NEB: variants seen among roughly 807,000 people sequenced by gnomAD.
NEB encodes nemaline myopathy type 2.
A neutral mutation model predicts 952.2 loss-of-function variants in NEB; 512 were observed. The ratio of observed to expected loss-of-function variants is 0.54; its 90% CI spans 0.50 to 0.58. The LOEUF (loss-of-function observed/expected upper bound fraction) is 0.58. NEB is among the 20% of genes least tolerant of loss of function. NEB has a pLI of 0.00. For missense variants in NEB, 8,428 were observed against 9,231.1 expected (o/e 0.91, Z 3.56); for synonymous variants, 2,900 against 3,149.8 (o/e 0.92, Z 2.66).
At position 151,568,634 on chromosome 2, in the gene NEB, C is replaced by A; in HGVS notation, c.17618G>T (p.Gly5873Val). Residue 5873 changes from glycine to valine, a missense_variant, in exon 111 of 182, where the codon GGC becomes GTC. By Grantham distance (109) the Gly-to-Val change is moderately radical. Coordinates refer to ENST00000397345, the MANE Select transcript of NEB (RefSeq NM_001164508.2). ...TATACTTACATCATCGAGGATCTCG[C>A]CACTTTGTTTCGCTGTCACATAATC... ...RVDYVTAKQS[G>V]EILDDIKYRK... 6.2e-7 allele frequency: 1 copy of A among 1,608,380 alleles called. No homozygotes were observed. The highest frequency in any genetic ancestry group is 8.5e-7 in the Non-Finnish European group (1 of 1,177,176).
At chr2:151,688,006 C>G (rs988457912) in intron 25 of NEB, among the ~76,000 whole-genome samples, 1 of 152,144 alleles carries the variant, frequency 6.6e-6, no homozygotes, top group Non-Finnish European at 1.5e-5. Flanking sequence ...GTGACACTCA[C>G]TTGGAGAAGG....
intron 52 of NEB, among the ~76,000 whole-genome samples, 179 bp from the exon 53 acceptor site, chr2:151,651,064 G>A (rs896031321): frequency 2.0e-5 from 3 of 151,952 alleles, no homozygotes; most frequent in Admixed American, 2.0e-4. Context: ...GGATTTACAG[G>A]TACATGCCAC....
chr2:151,554,745 A>G (rs2095538610), intron 125 of NEB, among the ~76,000 whole-genome samples, 186 bp downstream of exon 125: 1 of 152,188 alleles, frequency 6.6e-6, no homozygotes, highest in Non-Finnish European at 1.5e-5. Context: ...CCACTGTGTT[A>G]CTGTTGCCTA....
chr2:151,706,698 C>G (rs76375465), intron 13 of NEB, among the ~76,000 whole-genome samples, 183 bp downstream of exon 13: 4,088 of 152,260 alleles, frequency 0.027, 202 homozygotes, highest in African/African-American at 0.093. Flanking sequence ...GAACCACAAA[C>G]AGTAAGGCAC....
intron 10 of NEB, chr2:151,716,169 A>G (rs1404336545): frequency 2.4e-6 from 1 of 424,214 alleles, no homozygotes; most frequent in Non-Finnish European, 4.6e-6. Flanking sequence ...AGACAGTTTC[A>G]CACTTGTTGC....
intron 12 of NEB, among the ~76,000 whole-genome samples, chr2:151,708,577 T>G (rs1195499418): frequency 6.6e-6 from 1 of 152,184 alleles, no homozygotes; most frequent in African/African-American, 2.4e-5. Context: ...ACTCACTCCC[T>G]TGATGCTCTC....
intron 52 of NEB, 50 bp from the exon 53 acceptor site, chr2:151,650,935 G>A: frequency 6.8e-7 from 1 of 1,467,508 alleles, no homozygotes; most frequent in Non-Finnish European, 9.2e-7. Flanking sequence ...GCCAAGTTAA[G>A]CTCAACTTGC....
Position 151,491,983 on chromosome 2 carries a change from T to C in NEB, c.25057+115A>G, listed in dbSNP as rs983420742. Reference sequence around the variant, plus strand: ...GAGATAATAGGAGCTTTCTTGCACCTCTAGAAAAACAGATTGAAGTCCTTT... The same window carrying C: ...GAGATAATAGGAGCTTTCTTGCACCCCTAGAAAAACAGATTGAAGTCCTTT... On this transcript the variant is annotated intron_variant, in intron 178 of 181. Transcript: ENST00000397345. 3 of 1,192,794 alleles carry C rather than the reference T, an allele frequency of 2.5e-6. No homozygotes were observed. In the African/African-American group the frequency reaches 4.6e-5, roughly 18 times the overall value. The allele number at this position is 1,192,794 out of a possible 1,614,324, so 73.9% of individuals were successfully genotyped here.
At position 151,643,331 on chromosome 2, in the gene NEB, T is replaced by G. The variant is rs373252601; in HGVS notation, c.7979A>C (p.Gln2660Pro). 3.7e-6 allele frequency: 6 copies of G among 1,613,714 alleles called. No homozygotes were observed. The highest frequency in any genetic ancestry group is 1.7e-5 in the Admixed American group (1 of 59,996). The change falls in exon 58 of 182, where the codon CAG becomes CCG. Residue 2660 changes from glutamine to proline, a missense_variant. Around this residue, in one of 11 missense-constraint regions of NEB, gnomAD observed 1,772 missense variants for 1,960.3 expected, o/e 0.90. Coordinates refer to ENST00000397345, the MANE Select transcript of NEB (RefSeq NM_001164508.2). ...CATCCAGCCAATGCCTTTTAGCCAC[T>G]GAAGGTCTGACTTGTACAAATTCTG... ...QSDNLYKSDLQWLKGIGWMTS... is the reference protein window; with the variant it reads ...QSDNLYKSDLPWLKGIGWMTS...
chr2:151,669,863 T>C (rs112402631), intron 38 of NEB, among the ~76,000 whole-genome samples: 1,550 of 152,286 alleles, frequency 0.01, 35 homozygotes, highest in African/African-American at 0.035. Flanking sequence ...TAACAGGTTA[T>C]TGCAGTTGTC....
chr2:151,495,953 G>A (rs976280057), intron 173 of NEB, among the ~76,000 whole-genome samples: 5 of 152,054 alleles, frequency 3.3e-5, no homozygotes, highest in East Asian at 1.9e-4. Context: ...CACCCCACAC[G>A]TACCCGTCCT....
rs754344015 is a variant in NEB at position 151,655,933 on chromosome 2, T to C, written c.6586A>G (p.Thr2196Ala). 6.2e-7 allele frequency: 1 copy of C among 1,613,796 alleles called. No individual in the cohort carries two copies. Among genetic ancestry groups the C allele is most frequent in the Non-Finnish European group, 8.5e-7 (1 of 1,179,798 alleles). ...SLEVEKAKKA[T>A]EYASDQKYRQ... ...TATTTCTGATCACTGGCATATTCAG[T>C]TGCTTTCTTGGCCTTCTCCACTTCC... The change falls in exon 50 of 182, where the codon ACT (threonine) becomes GCT (alanine). Residue 2196 changes from threonine (T) to alanine (A), a missense_variant. Around this residue, in one of 11 missense-constraint regions of NEB, gnomAD observed 2,851 missense variants for 2,791.5 expected, o/e 1.02. Transcript: ENST00000397345.
chr2:151,561,062 G>C lies in NEB; in HGVS notation c.19148C>G (p.Thr6383Arg), dbSNP rs1282437220. 1 of 1,608,110 alleles carries C rather than the reference G, an allele frequency of 6.2e-7. No homozygotes were observed. The highest frequency in any genetic ancestry group is 1.1e-5 in the South Asian group (1 of 90,188). Residue 6383 changes from threonine to arginine, a missense_variant, in exon 123 of 182, where the codon ACA becomes AGA. Thr to Arg is a moderately conservative substitution (Grantham distance 71). Transcript: ENST00000397345. ...NYHQIKDKYT[T>R]VLETVDYDRT... Reference sequence around the variant, plus strand: ...GTCATAATCCACTGTTTCTAGAACTGTTGTGTATTTGTCCTTAATCTGATG... The same window carrying C: ...GTCATAATCCACTGTTTCTAGAACTCTTGTGTATTTGTCCTTAATCTGATG...
rs771527086 is a variant in NEB, at chr2:151,671,137, G to A, written c.4392C>T (p.Gly1464=). The A allele has an allele frequency of 6.2e-6, 10 of 1,613,852 alleles. No individual in the cohort carries two copies. Among genetic ancestry groups the A allele is most frequent in the East Asian group, 4.5e-5 (2 of 44,878 alleles). ...GATACTTCCTCTCATTTAATGCATC[G>A]CCTGCTTTCTTGACCTTCTCCACCT... ...SLEVEKVKKA[G]DALNERKYRQ... Residue 1464 remains glycine (G), a synonymous_variant, in exon 38 of 182, where the codon GGC becomes GGT. Coordinates refer to ENST00000397345, the MANE Select transcript of NEB (RefSeq NM_001164508.2).
At chr2:151,574,924 G>C (rs1258113449) in intron 107 of NEB, among the ~76,000 whole-genome samples, 1 of 152,016 alleles carries the variant, frequency 6.6e-6, no homozygotes, top group Non-Finnish European at 1.5e-5. Flanking sequence ...TTTTCTTGCA[G>C]AGATGGGGTC....
At chr2:151,512,664 T>G in intron 161 of NEB, 69 bp downstream of exon 161, 1 of 1,106,822 alleles carries the variant, frequency 9.0e-7, no homozygotes, top group Non-Finnish European at 1.4e-6. Flanking sequence ...TTAAGGTATT[T>G]ATTAATGGAA....
At chr2:151,639,229 G>T (rs1455261165) in intron 63 of NEB, 51 bp downstream of exon 63, 3 of 1,362,368 alleles carry the variant, frequency 2.2e-6, no homozygotes, top group Non-Finnish European at 3.0e-6. Flanking sequence ...TCATAGAGTA[G>T]ATCAACTGAA....
At chr2:151,649,179 T>A (rs1248050505) in intron 54 of NEB, among the ~76,000 whole-genome samples, 1 of 152,176 alleles carries the variant, frequency 6.6e-6, no homozygotes, top group Admixed American at 6.5e-5. Context: ...TCTGTCATCA[T>A]AAAAATAGTA....
At position 151,619,611 on chromosome 2, in the gene NEB, C is replaced by G. The variant is rs761487598; in HGVS notation, c.10712G>C (p.Arg3571Thr). The G allele has an allele frequency of 1.9e-6, 3 of 1,613,852 alleles. No homozygotes were observed. Among genetic ancestry groups the G allele is most frequent in the Non-Finnish European group, 2.5e-6 (3 of 1,179,882 alleles). The change falls in exon 73 of 182, where the codon AGG becomes ACG. Residue 3571 changes from arginine to threonine, a missense_variant. By Grantham distance (71) the Arg-to-Thr change is moderately conservative. Coordinates refer to ENST00000397345, the MANE Select transcript of NEB (RefSeq NM_001164508.2). The stretch of plus-strand genomic sequence containing the variant: ...AAGCATGTCCACTGGGCTGCTGTAC[C>G]TTGTCTTGTATTTCTCAAAATCTTT... ...YKKDFEKYKTRYSSPVDMLGI... is the reference protein window; with the variant it reads ...YKKDFEKYKTTYSSPVDMLGI...
Sources: gnomAD v4.1 joint callset for allele counts (sites outside exome capture counted in the v4.1 genomes callset) on GRCh38, gnomAD v4.1.1 for gene constraint, gnomAD v4.1.1 regional missense constraint, MANE v1.5 for transcripts, NCBI Gene and HGNC (gene_info 2026-07-23, HGNC 2026-07-21) for gene names.